CASR: variants seen among roughly 807,000 people sequenced by gnomAD.
CASR encodes the protein calcium sensing receptor, also known as extracellular calcium-sensing receptor.
In CASR, 23 loss-of-function variants were observed where a neutral mutation model predicts 69.1. The ratio of observed to expected loss-of-function variants is 0.33; its 90% CI spans 0.24 to 0.47. The LOEUF is 0.47. Among genes scored for constraint, CASR ranks in the 20% least tolerant of loss-of-function variants. CASR has a pLI of 1.00. For synonymous variants in CASR, 541 were observed against 544.7 expected, an observed-to-expected ratio of 0.99 and a Z score of 0.10; for missense variants, 924 against 1,356.1, an observed-to-expected ratio of 0.68 and a Z score of 5.00.
intron 1 of CASR, among the ~76,000 whole-genome samples, chr3:122,241,389 CT>C (rs1169120164): frequency 6.6e-6 from 1 of 151,962 alleles, no homozygotes; most frequent in African/African-American, 2.4e-5. Flanking sequence ...ACATTAGAGG[CT>C]ACTGTGAGCA....
At chr3:122,239,512 C>T (rs2074360606) in intron 1 of CASR, among the ~76,000 whole-genome samples, 1 of 152,256 alleles carries the variant, frequency 6.6e-6, no homozygotes, top group South Asian at 2.1e-4. Flanking sequence ...GGGAAGAACA[C>T]AAGCCTGGTT....
chr3:122,208,420 C>G (rs191647879), intron 1 of CASR, among the ~76,000 whole-genome samples: 1 of 151,944 alleles, frequency 6.6e-6, no homozygotes, highest in Non-Finnish European at 1.5e-5. Context: ...TTTTTCTAAA[C>G]CTTACATGCT....
chr3:122,201,878 GC>G (rs2073957165), intron 1 of CASR, among the ~76,000 whole-genome samples: 1 of 150,860 alleles, frequency 6.6e-6, no homozygotes, highest in Admixed American at 6.6e-5. Flanking sequence ...GGGAAGAGGC[GC>G]TCCTCACTTC....
chr3:122,266,267 G>T (rs769866940), intron 4 of CASR, among the ~76,000 whole-genome samples: 3 of 151,848 alleles, frequency 2.0e-5, no homozygotes, highest in Admixed American at 6.6e-5. Context: ...CACAAGATGG[G>T]AATATTATGG....
At chr3:122,281,315 C>A (rs536403361) in intron 5 of CASR, among the ~76,000 whole-genome samples, 28 of 152,348 alleles carry the variant, frequency 1.8e-4, no homozygotes, top group African/African-American at 6.7e-4. Flanking sequence ...TTCTTTATGG[C>A]AACCATATCA....
At chr3:122,250,326 A>G (rs1292083612) in intron 1 of CASR, among the ~76,000 whole-genome samples, 1 of 152,160 alleles carries the variant, frequency 6.6e-6, no homozygotes, top group Non-Finnish European at 1.5e-5. Context: ...AACTGCTACA[A>G]ATTGACCCCA....
At chr3:122,184,951 G>A (rs1413786587) in intron 1 of CASR, among the ~76,000 whole-genome samples, 1 of 152,196 alleles carries the variant, frequency 6.6e-6, no homozygotes, top group African/African-American at 2.4e-5. Flanking sequence ...TCTGGCCCCA[G>A]GGGCCGTCAG....
At chr3:122,237,343 C>T (rs1303207875) in intron 1 of CASR, among the ~76,000 whole-genome samples, 2 of 152,122 alleles carry the variant, frequency 1.3e-5, no homozygotes, top group Non-Finnish European at 2.9e-5. Flanking sequence ...CTCCTGACCT[C>T]ATGATCCACC....
intron 4 of CASR, among the ~76,000 whole-genome samples, chr3:122,272,223 A>G (rs2074768379): frequency 6.6e-6 from 1 of 151,988 alleles, no homozygotes; most frequent in Non-Finnish European, 1.5e-5. Context: ...TTACATCCCC[A>G]CCAGCAGTCT....
At chr3:122,255,619 T>C (rs994281518) in intron 2 of CASR, among the ~76,000 whole-genome samples, 2 of 152,178 alleles carry the variant, frequency 1.3e-5, no homozygotes, top group East Asian at 3.8e-4. Flanking sequence ...AGGCTTGCCC[T>C]AAAATAATAT....
At chr3:122,265,967 G>A (rs571280698) in intron 4 of CASR, among the ~76,000 whole-genome samples, 4 of 152,278 alleles carry the variant, frequency 2.6e-5, no homozygotes, top group Admixed American at 2.6e-4. Context: ...AGAAAACATG[G>A]CTGGCGTTAG....
intron 1 of CASR, among the ~76,000 whole-genome samples, chr3:122,239,434 G>T (rs2074359789): frequency 6.6e-6 from 1 of 152,202 alleles, no homozygotes; most frequent in Non-Finnish European, 1.5e-5. Flanking sequence ...AAGGTTGTTG[G>T]CTCAAATCCT....
rs575613998 is a variant in CASR, at chr3:122,226,992, A to G, written c.-242-26956A>G. On this transcript the variant is annotated intron_variant, in intron 1 of 6. Coordinates refer to ENST00000639785, the MANE Select transcript of CASR (RefSeq NM_000388.4). ...CAGACTAACTAGATACAGAGTGCCA[A>G]TTGGTGTATTCACAAACACTGAGCT... 2.0e-4 allele frequency among the ~76,000 whole-genome samples: 31 copies of G among 152,214 alleles called. No homozygotes were observed. The South Asian group carries it at 6.4e-3, about 32-fold the overall frequency.
intron 4 of CASR, among the ~76,000 whole-genome samples, chr3:122,266,330 CT>C (rs2074693757): frequency 6.6e-6 from 1 of 151,696 alleles, no homozygotes; most frequent in Non-Finnish European, 1.5e-5. Flanking sequence ...ATTTGCCCCT[CT>C]TTTAGATCTA....
intron 4 of CASR, among the ~76,000 whole-genome samples, chr3:122,265,669 A>T (rs1037457917): frequency 6.6e-6 from 1 of 152,208 alleles, no homozygotes; most frequent in Non-Finnish European, 1.5e-5. Context: ...AAGGTATTCT[A>T]GGCTCTGTTT....
At chr3:122,268,472 G>A (rs2074718780) in intron 4 of CASR, among the ~76,000 whole-genome samples, 1 of 152,198 alleles carries the variant, frequency 6.6e-6, no homozygotes, top group African/African-American at 2.4e-5. Context: ...GAGGCTGCCA[G>A]ATCAGCCAGT....
intron 1 of CASR, among the ~76,000 whole-genome samples, chr3:122,194,841 C>T (rs1367208935): frequency 2.6e-5 from 4 of 152,172 alleles, no homozygotes; most frequent in African/African-American, 9.7e-5. Context: ...CCATTCCCAG[C>T]TTATACATCT....
At chr3:122,248,232 G>A (rs2074446884) in intron 1 of CASR, among the ~76,000 whole-genome samples, 1 of 152,204 alleles carries the variant, frequency 6.6e-6, no homozygotes. Flanking sequence ...GGCCGTATTG[G>A]TGATGGCAGG....
rs1553766930 is a variant in CASR at position 122,262,405 on chromosome 3, C to T, written c.1370C>T (p.Ala457Val). ...GSCADIKKVE[A>V]WQVLKHLRHL... is the part of the protein sequence containing the mutation. ...TGTGCAGACATCAAGAAAGTTGAGG[C>T]GTGGCAGGTGCGTCCTTCACTTATA... The change falls in exon 4 of 7, where the codon GCG (alanine) becomes GTG (valine). Residue 457 changes from alanine to valine, a missense_variant. Ala to Val is a moderately conservative substitution (Grantham distance 64, BLOSUM62 0). This residue lies in a region of CASR where 310 missense variants were observed against 395.7 expected (regional missense o/e 0.78). Transcript: ENST00000639785. 2 of 1,611,956 alleles carry T rather than the reference C, an allele frequency of 1.2e-6. No homozygotes were observed. Among genetic ancestry groups the T allele is most frequent in the Non-Finnish European group, 8.5e-7 (1 of 1,179,908 alleles).
Sources: allele counts gnomAD v4.1 joint callset (sites outside exome capture counted in the v4.1 genomes callset), GRCh38; gene constraint gnomAD v4.1.1; regional missense constraint gnomAD v4.1.1; transcripts MANE v1.5; gene names NCBI Gene and HGNC (gene_info 2026-07-23, HGNC 2026-07-21).